The following CEP128 variants were observed in gnomAD, a reference collection of about 807,000 sequenced individuals.
The protein encoded by CEP128 is centrosomal protein 128kDa.
A neutral mutation model predicts 156.7 loss-of-function variants in CEP128; 132 were observed. The observed-to-expected ratio is 0.84, with a 90% CI of 0.73 to 0.97. The LOEUF (loss-of-function observed/expected upper bound fraction) is 0.97, where lower values mean the gene tolerates loss of function less well. CEP128 is among the 50% of genes least tolerant of loss of function. CEP128 has a pLI of 0.00. For synonymous variants in CEP128, 469 were observed against 448.9 expected, an observed-to-expected ratio of 1.04 and a Z score of -0.57; for missense variants, 1,252 against 1,281.9, an observed-to-expected ratio of 0.98 and a Z score of 0.36.
intron 23 of CEP128, among the ~76,000 whole-genome samples, chr14:80,507,945 C>T (rs185474833): frequency 1.6e-3 from 237 of 152,260 alleles, no homozygotes; most frequent in African/African-American, 5.5e-3. Context: ...GACAGAGTCT[C>T]GCTCTGTTGC....
intron 19 of CEP128, among the ~76,000 whole-genome samples, chr14:80,647,153 T>A: frequency 7.1e-6 from 1 of 141,354 alleles, no homozygotes; most frequent in South Asian, 2.3e-4. Context: ...ACACACTGCA[T>A]TCTAGAAACA....
chr14:80,879,883 G>A lies in CEP128; in HGVS notation c.645+15835C>T, dbSNP rs192904880. ...CCTCTTCAAGTCATATTCTAATCAC[G>A]CTGTCAAAAATCAAAGACAATTAAG... On this transcript the variant is annotated intron_variant, in intron 8 of 24. Coordinates refer to ENST00000555265, the MANE Select transcript of CEP128 (RefSeq NM_152446.5). 5.3e-5 allele frequency among the ~76,000 whole-genome samples: 8 copies of A among 152,192 alleles called. No individual in the cohort carries two copies. In the East Asian group the frequency reaches 5.8e-4, roughly 11 times the overall value.
intron 21 of CEP128, among the ~76,000 whole-genome samples, chr14:80,534,480 T>G (rs939958890): frequency 3.3e-5 from 5 of 152,208 alleles, no homozygotes; most frequent in Non-Finnish European, 7.3e-5. Flanking sequence ...GGTTAATTTT[T>G]TTCTGCCTTA....
chr14:80,732,515 T>TGTGTGC (rs1555396242), intron 19 of CEP128, among the ~76,000 whole-genome samples: 207 of 148,000 alleles, frequency 1.4e-3, no homozygotes, highest in Middle Eastern at 3.4e-3. Context: ...TGTGTGTGTG[T>TGTGTGC]GTGTGGTTTC....
intron 13 of CEP128, among the ~76,000 whole-genome samples, chr14:80,813,556 C>G (rs1374885978): frequency 6.6e-6 from 1 of 151,962 alleles, no homozygotes; most frequent in Non-Finnish European, 1.5e-5. Flanking sequence ...TGTGTATGAG[C>G]TTGGAAAGTA....
At chr14:80,604,267 G>A (rs1892693330) in intron 19 of CEP128, among the ~76,000 whole-genome samples, 1 of 152,148 alleles carries the variant, frequency 6.6e-6, no homozygotes, top group South Asian at 2.1e-4. Flanking sequence ...TGATACAAGT[G>A]ATTGATTGGT....
At chr14:80,520,979 C>T (rs1476836332) in intron 23 of CEP128, among the ~76,000 whole-genome samples, 5 of 149,972 alleles carry the variant, frequency 3.3e-5, no homozygotes, top group African/African-American at 7.4e-5. Context: ...CCCGCCACCA[C>T]GCCCAGCTAA....
At chr14:80,684,372 C>T (rs1038695689) in intron 19 of CEP128, among the ~76,000 whole-genome samples, 1 of 151,862 alleles carries the variant, frequency 6.6e-6, no homozygotes, top group Admixed American at 6.6e-5. Flanking sequence ...CTTGAAAATA[C>T]AAAATCTCCC....
At chr14:80,646,334 C>G (rs1361676259) in intron 19 of CEP128, among the ~76,000 whole-genome samples, 1 of 151,352 alleles carries the variant, frequency 6.6e-6, no homozygotes, top group African/African-American at 2.4e-5. Context: ...ATTATGAATG[C>G]TCTGAAAAAT....
intron 8 of CEP128, among the ~76,000 whole-genome samples, chr14:80,879,566 T>C (rs1595537346): frequency 6.6e-6 from 1 of 150,750 alleles, no homozygotes; most frequent in Non-Finnish European, 1.5e-5. Context: ...AGAATAAAAT[T>C]GAGAGCTGCA....
chr14:80,645,567 A>C (rs1043014780), intron 19 of CEP128, among the ~76,000 whole-genome samples: 2 of 152,192 alleles, frequency 1.3e-5, no homozygotes, highest in Admixed American at 1.3e-4. Context: ...AAATCATGGC[A>C]CCAAAAGCTG....
At chr14:80,831,763 C>T (rs1014771927) in intron 12 of CEP128, among the ~76,000 whole-genome samples, 1 of 152,080 alleles carries the variant, frequency 6.6e-6, no homozygotes, top group Non-Finnish European at 1.5e-5. Context: ...GAGATTATTA[C>T]CTGAAATTAA....
At chr14:80,514,324 A>T (rs903037272) in intron 23 of CEP128, among the ~76,000 whole-genome samples, 1 of 152,178 alleles carries the variant, frequency 6.6e-6, no homozygotes, top group Admixed American at 6.5e-5. Flanking sequence ...TATTTAGCTC[A>T]GAATAAATCT....
chr14:80,486,036 C>A (rs977581821), downstream of CEP128, among the ~76,000 whole-genome samples: 1 of 152,194 alleles, frequency 6.6e-6, no homozygotes, highest in East Asian at 1.9e-4. Flanking sequence ...AAGAGCTGTA[C>A]ATTTTAGTAC....
intron 2 of CEP128, among the ~76,000 whole-genome samples, chr14:80,935,526 T>C (rs567414569): frequency 6.7e-6 from 1 of 149,836 alleles, no homozygotes; most frequent in African/African-American, 2.5e-5. Context: ...ACTCCAGCCT[T>C]CTGGAGTAAG....
intron 13 of CEP128, among the ~76,000 whole-genome samples, chr14:80,818,404 T>A (rs1884984683): frequency 6.6e-6 from 1 of 152,208 alleles, no homozygotes; most frequent in Non-Finnish European, 1.5e-5. Context: ...ACTCAGAGAA[T>A]CTGTTGCTAG....
rs549100910 is a variant in CEP128, at chr14:80,761,960, C to T, written c.2377-347G>A. ...AGTAAAAGATGATGTCAGACACTGACTTCAAGCTTTCACTGAACATTAGTA... is the reference window on the plus strand; with the variant it reads ...AGTAAAAGATGATGTCAGACACTGATTTCAAGCTTTCACTGAACATTAGTA... On this transcript the variant is annotated intron_variant, in intron 16 of 24. Coordinates refer to ENST00000555265, the MANE Select transcript of CEP128 (RefSeq NM_152446.5). Among the ~76,000 whole-genome samples, 25 of 152,210 alleles carry T rather than the reference C, an allele frequency of 1.6e-4. No homozygotes were observed. In the South Asian group the frequency reaches 4.8e-3, roughly 29 times the overall value.
intron 19 of CEP128, among the ~76,000 whole-genome samples, chr14:80,671,141 C>T (rs912626288): frequency 9.9e-5 from 15 of 152,078 alleles, no homozygotes; most frequent in African/African-American, 3.6e-4. Flanking sequence ...AGAAAGAATG[C>T]AGGGACATGC....
intron 19 of CEP128, among the ~76,000 whole-genome samples, chr14:80,727,145 C>A (rs1358170700): frequency 6.6e-6 from 1 of 152,012 alleles, no homozygotes; most frequent in Non-Finnish European, 1.5e-5. Context: ...GTTCCTGAGG[C>A]CAAACAACAG....
Sources: allele counts gnomAD v4.1 joint callset (sites outside exome capture counted in the v4.1 genomes callset), GRCh38; gene constraint gnomAD v4.1.1; transcripts MANE v1.5; gene names NCBI Gene and HGNC (gene_info 2026-07-23, HGNC 2026-07-21).